Variants in ZNF536 observed in about 807,000 individuals in gnomAD.
ZNF536 encodes zinc finger protein 536.
In ZNF536, 13 loss-of-function variants were observed where a neutral mutation model predicts 84.5. The ratio of observed to expected loss-of-function variants is 0.15; its 90% CI spans 0.10 to 0.24. The LOEUF (loss-of-function observed/expected upper bound fraction) is 0.24. ZNF536 is among the 10% of genes least tolerant of loss of function. The probability of loss-of-function intolerance (pLI) is 1.00; values close to 1 mark genes in which losing one functional copy is unlikely to be tolerated. For synonymous variants in ZNF536, 811 were observed against 742.5 expected (o/e 1.09, Z -1.50); for missense variants, 1,536 against 1,747.5 (o/e 0.88, Z 2.16).
chr19:30,617,334 T>C (rs890886148), intron 1 of ZNF536, among the ~76,000 whole-genome samples: 2 of 26,724 alleles, frequency 7.5e-5, no homozygotes, highest in Non-Finnish European at 1.3e-4. Context: ...AATAGCTTAC[T>C]TTTTTTTTTT....
intron 3 of ZNF536, among the ~76,000 whole-genome samples, chr19:30,541,912 G>A (rs931936097): frequency 1.3e-5 from 2 of 152,112 alleles, no homozygotes; most frequent in African/African-American, 4.8e-5. Flanking sequence ...ATATGCTTTG[G>A]GGGAATTAGT....
intron 1 of ZNF536, among the ~76,000 whole-genome samples, chr19:30,604,113 G>A (rs2047788706): frequency 6.6e-6 from 1 of 152,132 alleles, no homozygotes; most frequent in South Asian, 2.1e-4. Context: ...AGTGTGCACA[G>A]GGTAAACCAC....
At chr19:30,240,909 G>T (rs1247743792) in intron 1 of ZNF536, among the ~76,000 whole-genome samples, 1 of 152,218 alleles carries the variant, frequency 6.6e-6, no homozygotes, top group Admixed American at 6.5e-5. Context: ...GAACCTGCTA[G>T]AGAGGCTTTG....
intron 2 of ZNF536, among the ~76,000 whole-genome samples, chr19:30,524,696 T>A (rs983605188): frequency 6.6e-6 from 1 of 152,108 alleles, no homozygotes; most frequent in Non-Finnish European, 1.5e-5. Context: ...TTCCATCTTC[T>A]CCCCTCCTCC....
At chr19:30,493,778 G>C (rs1467458408) in intron 2 of ZNF536, among the ~76,000 whole-genome samples, 1 of 152,160 alleles carries the variant, frequency 6.6e-6, no homozygotes, top group Non-Finnish European at 1.5e-5. Context: ...TCAGCACCAG[G>C]TCCTGGATAA....
chr19:30,690,611 C>T (rs1341868346), intron 1 of ZNF536, among the ~76,000 whole-genome samples: 2 of 152,138 alleles, frequency 1.3e-5, no homozygotes, highest in African/African-American at 4.8e-5. Context: ...ATCCTTAAAG[C>T]AGGATCTTGG....
intron 1 of ZNF536, among the ~76,000 whole-genome samples, chr19:30,390,167 G>A (rs1442469221): frequency 1.3e-5 from 2 of 152,134 alleles, no homozygotes; most frequent in Non-Finnish European, 2.9e-5. Context: ...TAGCTGCAGG[G>A]GGGTTAAGGT....
intron 1 of ZNF536, among the ~76,000 whole-genome samples, chr19:30,400,826 T>C (rs1315470165): frequency 6.6e-6 from 1 of 152,228 alleles, no homozygotes; most frequent in Admixed American, 6.5e-5. Flanking sequence ...TTTATCTTCT[T>C]AGCAGGGTTT....
chr19:30,405,045 T>A (rs2147583979), intron 1 of ZNF536, among the ~76,000 whole-genome samples: 1 of 152,318 alleles, frequency 6.6e-6, no homozygotes, highest in South Asian at 2.1e-4. Flanking sequence ...GGGGAATGTA[T>A]GGGGCATGGT....
At chr19:30,240,327 C>T (rs1031031288) in intron 1 of ZNF536, among the ~76,000 whole-genome samples, 4 of 151,702 alleles carry the variant, frequency 2.6e-5, no homozygotes, top group Admixed American at 6.6e-5. Flanking sequence ...GAGCCAAGAT[C>T]GTGTCACTAC....
chr19:30,677,495 C>T (rs1049939581), intron 1 of ZNF536, among the ~76,000 whole-genome samples: 1 of 152,242 alleles, frequency 6.6e-6, no homozygotes, highest in African/African-American at 2.4e-5. Flanking sequence ...TCCAGCTCAG[C>T]ACAGTGTGCC....
upstream of ZNF536, among the ~76,000 whole-genome samples, chr19:30,227,460 G>T (rs2144571190): frequency 6.6e-6 from 1 of 152,280 alleles, no homozygotes; most frequent in South Asian, 2.1e-4. Context: ...GGGTGGCAGC[G>T]GCGGCCGGGT....
Position 30,489,243 on chromosome 19 carries a change from T to C in ZNF536, c.2170+43511T>C, listed in dbSNP as rs754281943. ...AGCCATTTGTGACTTGTTTATTTGATTGTAGCCATTAACAATCATGCATTG... is the reference window on the plus strand; with the variant it reads ...AGCCATTTGTGACTTGTTTATTTGACTGTAGCCATTAACAATCATGCATTG... On this transcript the variant is annotated intron_variant, in intron 2 of 4. Coordinates refer to ENST00000355537, the MANE Select transcript of ZNF536 (RefSeq NM_014717.3). 1.1e-3 allele frequency among the ~76,000 whole-genome samples: 161 copies of C among 152,296 alleles called. 8 individuals are homozygous for C. The highest frequency in any genetic ancestry group is 1.9e-3 in the South Asian group (9 of 4,826).
At chr19:30,582,528 C>T (rs1179298348) in intron 1 of ZNF536, among the ~76,000 whole-genome samples, 1 of 151,930 alleles carries the variant, frequency 6.6e-6, no homozygotes, top group African/African-American at 2.4e-5. Context: ...GTACCTGGGA[C>T]TACAGGTGCA....
At chr19:30,508,140 C>T (rs757352946) in intron 2 of ZNF536, among the ~76,000 whole-genome samples, 23 of 152,170 alleles carry the variant, frequency 1.5e-4, no homozygotes, top group Non-Finnish European at 3.1e-4. Context: ...ATGGGGCTGT[C>T]GGCTCCCCCT....
chr19:30,275,294 T>C (rs146982381), intron 1 of ZNF536, among the ~76,000 whole-genome samples: 133 of 152,282 alleles, frequency 8.7e-4, no homozygotes, highest in African/African-American at 3.1e-3. Flanking sequence ...TTGCACTTCT[T>C]ACCCTAAGAA....
At chr19:30,376,151 ACCAAGGTTTCTTTG>A (rs530224509) in intron 1 of ZNF536, among the ~76,000 whole-genome samples, 171 of 152,146 alleles carry the variant, frequency 1.1e-3, no homozygotes, top group Middle Eastern at 3.4e-3. Flanking sequence ...CTCCATGGGT[ACCAAGGTTTCTTTG>A]CCAGGCAGTT....
intron 1 of ZNF536, among the ~76,000 whole-genome samples, chr19:30,230,661 G>A (rs545034183): frequency 3.8e-4 from 58 of 152,342 alleles, no homozygotes; most frequent in Non-Finnish European, 7.8e-4. Flanking sequence ...ACTGAAGGCA[G>A]TGCTGAGATG....
chr19:30,276,345 C>A (rs540263755), intron 1 of ZNF536, among the ~76,000 whole-genome samples: 2 of 152,224 alleles, frequency 1.3e-5, no homozygotes, highest in African/African-American at 4.8e-5. Flanking sequence ...GGTTAATAAT[C>A]AATGTAGATC....
Sources: allele counts gnomAD v4.1 joint callset (sites outside exome capture counted in the v4.1 genomes callset), GRCh38; gene constraint gnomAD v4.1.1; transcripts MANE v1.5; gene names NCBI Gene and HGNC (gene_info 2026-07-23, HGNC 2026-07-21).